ASTN2: variants seen among roughly 807,000 people sequenced by gnomAD.
The protein encoded by ASTN2 is astrotactin-2.
In ASTN2, 54 loss-of-function variants were observed where a neutral mutation model predicts 139.8. That is an observed-to-expected ratio of 0.39 (90% confidence interval 0.31 to 0.48). ASTN2 has a LOEUF of 0.48. Ranked by LOEUF, ASTN2 falls within the 20% of genes least tolerant of loss-of-function variation. The pLI is 0.95. For missense variants in ASTN2, 1,565 were observed against 1,725.1 expected, an observed-to-expected ratio of 0.91 and a Z score of 1.64; for synonymous variants, 756 against 719.5, an observed-to-expected ratio of 1.05 and a Z score of -0.81.
At chr9:116,525,375 T>C (rs759749180) in intron 19 of ASTN2, among the ~76,000 whole-genome samples, 1 of 152,180 alleles carries the variant, frequency 6.6e-6, no homozygotes, top group South Asian at 2.1e-4. Flanking sequence ...CAACAGAGCG[T>C]AGGCTGCAGG....
intron 1 of ASTN2, among the ~76,000 whole-genome samples, chr9:117,373,722 T>A (rs1830047911): frequency 6.6e-6 from 1 of 152,230 alleles, no homozygotes; most frequent in Admixed American, 6.5e-5. Context: ...TGATCTCATC[T>A]TTTATGATCT....
chr9:117,261,487 T>TGTTA (rs1023033851), intron 2 of ASTN2, among the ~76,000 whole-genome samples: 5 of 152,166 alleles, frequency 3.3e-5, no homozygotes, highest in African/African-American at 9.7e-5. Context: ...ATTCACCAGG[T>TGTTA]GTTATCTCTA....
rs527968357 is a variant in ASTN2, at chr9:117,145,386, T to C, written c.1016-3908A>G. ...CCATTTACACTCCCAGATCCACCCT[T>C]CACCCTCTGGGCTGTGTCACCCGCT... On this transcript the variant is annotated intron_variant, in intron 3 of 22. Transcript: ENST00000313400. 3.9e-5 allele frequency among the ~76,000 whole-genome samples: 6 copies of C among 152,308 alleles called. No homozygotes were observed. The South Asian group carries it at 1.2e-3, about 32-fold the overall frequency.
intron 1 of ASTN2, among the ~76,000 whole-genome samples, chr9:117,382,466 T>A (rs1397357474): frequency 6.6e-6 from 1 of 152,164 alleles, no homozygotes; most frequent in Non-Finnish European, 1.5e-5. Flanking sequence ...TCACACTGTT[T>A]AGGACGGGAA....
At chr9:117,024,833 G>T (rs1838009743) in intron 6 of ASTN2, among the ~76,000 whole-genome samples, 1 of 152,096 alleles carries the variant, frequency 6.6e-6, no homozygotes, top group Admixed American at 6.6e-5. Flanking sequence ...CCCATATGTT[G>T]TGGGAGGGAC....
intron 3 of ASTN2, among the ~76,000 whole-genome samples, chr9:117,163,374 C>T (rs527824833): frequency 6.6e-6 from 1 of 152,140 alleles, no homozygotes; most frequent in East Asian, 1.9e-4. Context: ...GCCAAGTTTT[C>T]ATCCAGGGGC....
At chr9:116,650,855 C>T (rs1477643002) in intron 17 of ASTN2, among the ~76,000 whole-genome samples, 2 of 152,014 alleles carry the variant, frequency 1.3e-5, no homozygotes, top group African/African-American at 2.4e-5. Flanking sequence ...CTTTCCCCTT[C>T]CACAGCAATT....
At chr9:116,508,045 T>C (rs571990957) in intron 19 of ASTN2, among the ~76,000 whole-genome samples, 76 of 152,206 alleles carry the variant, frequency 5.0e-4, no homozygotes, top group South Asian at 1.2e-3. Context: ...TATGCCACCA[T>C]GCCCGGCTAA....
At chr9:116,527,258 A>C (rs992549789) in intron 19 of ASTN2, among the ~76,000 whole-genome samples, 2 of 152,336 alleles carry the variant, frequency 1.3e-5, no homozygotes, top group South Asian at 4.1e-4. Flanking sequence ...AGAATGAGAG[A>C]ATATATTTGC....
In ASTN2 at chr9:116,684,756, A is replaced by T. The variant is rs141694746; in HGVS notation, c.2807-32963T>A. On this transcript the variant is annotated intron_variant, in intron 16 of 22. Coordinates refer to ENST00000313400, the MANE Select transcript of ASTN2 (RefSeq NM_001365068.1). ...CCAGAGCAATCGACAGCCTTTTCCC[A>T]TCTTCATACCCTACACTTTAAGATT... Among the ~76,000 whole-genome samples, 947 of 152,276 alleles carry T rather than the reference A, an allele frequency of 6.2e-3. 5 individuals carry two copies. Among genetic ancestry groups the T allele is most frequent in the South Asian group, 0.015 (73 of 4,818 alleles).
intron 1 of ASTN2, among the ~76,000 whole-genome samples, chr9:117,363,621 A>C (rs1829753525): frequency 6.6e-6 from 1 of 152,146 alleles, no homozygotes; most frequent in South Asian, 2.1e-4. Context: ...TTTTGGTTAC[A>C]GTTAAGGGCC....
intron 10 of ASTN2, among the ~76,000 whole-genome samples, chr9:116,947,967 C>G (rs142486696): frequency 6.6e-6 from 1 of 152,146 alleles, no homozygotes; most frequent in Non-Finnish European, 1.5e-5. Flanking sequence ...CTCAGTTTTT[C>G]CATGTCTTTC....
chr9:116,694,214 T>A (rs1232601233), intron 16 of ASTN2, among the ~76,000 whole-genome samples: 2 of 152,120 alleles, frequency 1.3e-5, no homozygotes, highest in Non-Finnish European at 2.9e-5. Flanking sequence ...GAAGGAGGGA[T>A]ATGATATTCC....
intron 3 of ASTN2, among the ~76,000 whole-genome samples, chr9:117,168,953 A>T (rs1452102065): frequency 6.6e-6 from 1 of 152,140 alleles, no homozygotes; most frequent in African/African-American, 2.4e-5. Context: ...CTATCTGTTA[A>T]TTGCAGGGGC....
chr9:116,425,589 T>C lies in ASTN2; in HGVS notation c.*262A>G. ...ATTGACAGCCATCCATAAGAAAAGG[T>C]TTAAAAAGGAGAGACTTTTGATAGA... On this transcript the variant is annotated 3_prime_UTR_variant, in exon 23 of 23. Coordinates refer to ENST00000313400, the MANE Select transcript of ASTN2 (RefSeq NM_001365068.1). The C allele has an allele frequency of 6.2e-7, 1 of 1,613,270 alleles. No homozygotes were observed. The highest frequency in any genetic ancestry group is 8.5e-7 in the Non-Finnish European group (1 of 1,179,822).
chr9:117,260,392 G>A (rs1184999324), intron 2 of ASTN2, among the ~76,000 whole-genome samples: 3 of 152,132 alleles, frequency 2.0e-5, no homozygotes, highest in Non-Finnish European at 4.4e-5. Context: ...ACTCTATCCT[G>A]GATAAATAAG....
intron 14 of ASTN2, 52 bp from the exon 15 acceptor site, chr9:116,729,148 A>T (rs1828711113): frequency 2.2e-6 from 3 of 1,367,652 alleles, no homozygotes; most frequent in Non-Finnish European, 3.1e-6. Flanking sequence ...GACGCTTCAC[A>T]CCACATTGTT....
intron 10 of ASTN2, among the ~76,000 whole-genome samples, chr9:116,892,759 T>C (rs1833794519): frequency 6.6e-6 from 1 of 152,302 alleles, no homozygotes; most frequent in South Asian, 2.1e-4. Flanking sequence ...GATAACCTCA[T>C]GGCTCAAATG....
intron 10 of ASTN2, among the ~76,000 whole-genome samples, chr9:116,939,952 C>G (rs773386344): frequency 6.6e-6 from 1 of 152,206 alleles, no homozygotes; most frequent in Non-Finnish European, 1.5e-5. Context: ...CAATGCATTA[C>G]TCACATGTCT....
Sources: allele counts gnomAD v4.1 joint callset (sites outside exome capture counted in the v4.1 genomes callset), GRCh38; gene constraint gnomAD v4.1.1; transcripts MANE v1.5; gene names NCBI Gene and HGNC (gene_info 2026-07-23, HGNC 2026-07-21).